GNPTAB: variants seen among roughly 807,000 people sequenced by gnomAD.
The protein encoded by GNPTAB is N-acetylglucosamine-1-phosphotransferase subunits alpha/beta.
GNPTAB carries 92 observed loss-of-function variants against 136.6 expected under a neutral mutation model. The ratio of observed to expected loss-of-function variants is 0.67; its 90% CI spans 0.57 to 0.80. GNPTAB has a LOEUF of 0.80. Ranked by LOEUF, GNPTAB falls within the 30% of genes least tolerant of loss-of-function variation. The probability of loss-of-function intolerance (pLI) is 0.00; values close to 1 mark genes in which losing one functional copy is unlikely to be tolerated. For synonymous variants in GNPTAB, 512 were observed against 535.1 expected, an observed-to-expected ratio of 0.96 and a Z score of 0.60; for missense variants, 1,343 against 1,501.8, an observed-to-expected ratio of 0.89 and a Z score of 1.75.
At chr12:101,816,241 C>T (rs1349363929) in intron 1 of GNPTAB, among the ~76,000 whole-genome samples, 1 of 152,080 alleles carries the variant, frequency 6.6e-6, no homozygotes, top group African/African-American at 2.4e-5. Flanking sequence ...AAACAATCAA[C>T]AAAATGAAGA....
chr12:101,753,640 C>T, intron 18 of GNPTAB, 101 bp from the exon 19 acceptor site: 2 of 974,058 alleles, frequency 2.1e-6, no homozygotes, highest in Middle Eastern at 2.3e-4. Flanking sequence ...GGACTTATGT[C>T]CCAAGTTGGT....
intron 1 of GNPTAB, among the ~76,000 whole-genome samples, chr12:101,827,023 A>ACT (rs1404587205): frequency 2.2e-5 from 3 of 133,768 alleles, no homozygotes; most frequent in Non-Finnish European, 4.6e-5. Context: ...AATCACAGGC[A>ACT]CTGCACCTCA....
intron 3 of GNPTAB, 68 bp from the exon 4 acceptor site, chr12:101,788,657 G>T (rs372176580): frequency 2.4e-6 from 2 of 842,294 alleles, no homozygotes; most frequent in Non-Finnish European, 4.2e-6. Context: ...TAACCAAGAC[G>T]GTTTGCTTAG....
intron 1 of GNPTAB, among the ~76,000 whole-genome samples, chr12:101,820,442 GC>G (rs1225601116): frequency 2.0e-5 from 3 of 152,108 alleles, no homozygotes; most frequent in Non-Finnish European, 2.9e-5. Context: ...TAGACTAACT[GC>G]CCTGCAGCCA....
rs145999962 is a variant in GNPTAB, at chr12:101,808,199, T to C, written c.118-11437A>G. Among the ~76,000 whole-genome samples, 410 of 152,238 alleles carry C rather than the reference T, an allele frequency of 2.7e-3. 5 individuals are homozygous for C. The highest frequency in any genetic ancestry group is 8.8e-3 in the African/African-American group (366 of 41,550). Reference sequence around the variant, plus strand: ...GATGTCAGTTCTTCCCAACTTCATCTACAGATTCAATGCAAACTCAACTAA... The same window carrying C: ...GATGTCAGTTCTTCCCAACTTCATCCACAGATTCAATGCAAACTCAACTAA... On this transcript the variant is annotated intron_variant, in intron 1 of 20. Transcript: ENST00000299314.
chr12:101,799,337 ACAGGAGATGCACCTGCAGACCAAAAGG>A (rs1397016414), intron 1 of GNPTAB, among the ~76,000 whole-genome samples: 5 of 152,238 alleles, frequency 3.3e-5, no homozygotes, highest in African/African-American at 1.2e-4. Context: ...TGTCAAGATA[ACAGGAGATGCACCTGCAGACCAAAAGG>A]CAGAAGATCA....
intron 13 of GNPTAB, among the ~76,000 whole-genome samples, chr12:101,763,780 A>G (rs1166397990): frequency 6.6e-6 from 1 of 152,186 alleles, no homozygotes; most frequent in African/African-American, 2.4e-5. Flanking sequence ...GAGCAGTCCA[A>G]CTTTGAGGCT....
intron 7 of GNPTAB, among the ~76,000 whole-genome samples, chr12:101,777,986 C>T (rs960899867): frequency 6.6e-6 from 1 of 152,166 alleles, no homozygotes; most frequent in Non-Finnish European, 1.5e-5. Context: ...CTCTGAAAAT[C>T]CAAATAAATC....
At position 101,753,445 on chromosome 12, in the gene GNPTAB, G is replaced by A. The variant is rs1040259737; in HGVS notation, c.3529C>T (p.Pro1177Ser). Residue 1177 changes from proline (P) to serine (S), a missense_variant, in exon 19 of 21, where the codon CCC becomes TCC. By Grantham distance (74) the Pro-to-Ser change is moderately conservative. Transcript: ENST00000299314. ...GGCAGTTCAAATTGGGAAGGTATGG[G>A]GAACATGGATTCATAGAAGTCCCTG... is the stretch of plus-strand genomic sequence containing the variant. ...VLRDFYESMFPIPSQFELPRE... is the reference protein window; with the variant it reads ...VLRDFYESMFSIPSQFELPRE... The A allele has an allele frequency of 8.7e-6, 14 of 1,613,590 alleles. No homozygotes were observed. The highest frequency in any genetic ancestry group is 1.2e-5 in the Non-Finnish European group (14 of 1,179,656).
intron 1 of GNPTAB, among the ~76,000 whole-genome samples, chr12:101,799,051 TA>T (rs1006388651): frequency 1.1e-4 from 15 of 136,382 alleles, no homozygotes; most frequent in Non-Finnish European, 2.2e-4. Flanking sequence ...CATTGTTTTT[TA>T]AAAAAAAAGG....
Position 101,749,196 on chromosome 12 carries a change from G to A in GNPTAB, c.3603-5C>T. The stretch of plus-strand genomic sequence containing the variant: ...AATTTGTCTCGATAAGCCCTCCTGT[G>A]CAGAGAGAAGAAAGCAACTATGTAC... On this transcript the variant is annotated splice_region_variant and splice_polypyrimidine_tract_variant and intron_variant, in intron 19 of 20. Transcript: ENST00000299314. The A allele has an allele frequency of 6.4e-7, 1 of 1,573,520 alleles. No individual in the cohort carries two copies. Among genetic ancestry groups the A allele is most frequent in the South Asian group, 1.1e-5 (1 of 90,282 alleles).
intron 1 of GNPTAB, among the ~76,000 whole-genome samples, chr12:101,797,093 A>G (rs1325120863): frequency 2.0e-5 from 3 of 152,172 alleles, no homozygotes; most frequent in Non-Finnish European, 4.4e-5. Context: ...CAGTTGGAAG[A>G]GCATGCTTGT....
chr12:101,773,450 G>T, intron 7 of GNPTAB: 1 of 196,354 alleles, frequency 5.1e-6, no homozygotes, highest in South Asian at 7.7e-5. Flanking sequence ...GAAGCTGAGG[G>T]GCTGCAGGCC....
intron 3 of GNPTAB, among the ~76,000 whole-genome samples, chr12:101,788,984 C>T (rs575835729): frequency 1.3e-5 from 2 of 152,292 alleles, no homozygotes; most frequent in African/African-American, 4.8e-5. Context: ...ATAAAAAGTA[C>T]CAAAGTTTCT....
chr12:101,830,004 C>CA (rs35884808), intron 1 of GNPTAB, among the ~76,000 whole-genome samples: 30,439 of 105,974 alleles, frequency 0.29, 3,799 homozygotes, highest in African/African-American at 0.36. Flanking sequence ...AACCTCCTAC[C>CA]AAAAAAAAAA....
chr12:101,759,653 T>C (rs1236317475), intron 16 of GNPTAB, among the ~76,000 whole-genome samples: 2 of 152,200 alleles, frequency 1.3e-5, no homozygotes, highest in East Asian at 3.8e-4. Flanking sequence ...ATGGAGTAAG[T>C]GCCAGCATTA....
In GNPTAB at chr12:101,800,604, C is replaced by CA. The variant is rs58129963; in HGVS notation, c.118-3843dup. Among the ~76,000 whole-genome samples the CA allele has an allele frequency of 6.9e-3, 511 of 74,262 alleles. 3 individuals carry two copies. Among genetic ancestry groups the CA allele is most frequent in the Non-Finnish European group, 7.9e-3 (312 of 39,336 alleles). The allele number at this position is 74,262 out of a possible 152,430, so 48.7% of individuals were successfully genotyped here. ...TGAAACCCCATCACTACTAAAAATA[C>CA]AAAAAAAAAAAAAAAAAAAAAAAAT... On this transcript the variant is annotated intron_variant, in intron 1 of 20. Coordinates refer to ENST00000299314, the MANE Select transcript of GNPTAB (RefSeq NM_024312.5).
intron 1 of GNPTAB, among the ~76,000 whole-genome samples, chr12:101,814,463 G>A (rs145275516): frequency 1.3e-3 from 201 of 152,218 alleles, no homozygotes; most frequent in African/African-American, 4.7e-3. Flanking sequence ...TTTGGAAGCC[G>A]AGGCAGGCAG....
chr12:101,751,499 A>G (rs372766048), intron 19 of GNPTAB, among the ~76,000 whole-genome samples: 28 of 152,318 alleles, frequency 1.8e-4, no homozygotes, highest in African/African-American at 6.5e-4. Context: ...TCCTAAACTG[A>G]AAGATAAAAT....
Sources: gnomAD v4.1 joint callset for allele counts (sites outside exome capture counted in the v4.1 genomes callset) on GRCh38, gnomAD v4.1.1 for gene constraint, MANE v1.5 for transcripts, NCBI Gene and HGNC (gene_info 2026-07-23, HGNC 2026-07-21) for gene names.